Variants in ZNF419 observed in about 807,000 individuals in gnomAD.
ZNF419 encodes the protein zinc finger protein 419.
Under a neutral mutation model 14.9 loss-of-function variants are expected in ZNF419, and 8 were observed. The observed-to-expected ratio is 0.54, with a 90% CI of 0.32 to 0.97. The LOEUF is 0.97. ZNF419 is among the 50% of genes least tolerant of loss of function. ZNF419 has a pLI of 0.04. For missense variants in ZNF419, 595 were observed against 607.2 expected (o/e 0.98, Z 0.21); for synonymous variants, 211 against 205.3 (o/e 1.03, Z -0.24).
intron 4 of ZNF419, 23 bp from the exon 5 acceptor site, chr19:57,492,833 C>T: frequency 6.2e-7 from 1 of 1,613,376 alleles, no homozygotes; most frequent in Non-Finnish European, 8.5e-7. Context: ...ACATTTACTT[C>T]TTCAACATTT....
At position 57,494,423 on chromosome 19, in the gene ZNF419, A is replaced by T; in HGVS notation, c.*333A>T. 3.8e-6 allele frequency: 1 copy of T among 260,272 alleles called. No individual in the cohort carries two copies. The highest frequency in any genetic ancestry group is 7.0e-6 in the Non-Finnish European group (1 of 142,004). The allele number at this position is 260,272 out of a possible 1,614,324, so 16.1% of individuals were successfully genotyped here. A position where few individuals can be genotyped will look rare whatever the true frequency, so the allele number is the denominator to read the frequency against. On this transcript the variant is annotated 3_prime_UTR_variant, in exon 5 of 5. Transcript: ENST00000221735. ...TGGCAATTGAACATCATTCATCTAAATATGCACACTGGAGGCAAGATGAGA... is the reference window on the plus strand; with the variant it reads ...TGGCAATTGAACATCATTCATCTAATTATGCACACTGGAGGCAAGATGAGA...
chr19:57,491,624 A>G (rs767116789), intron 3 of ZNF419, 27 bp downstream of exon 3: 37 of 1,614,006 alleles, frequency 2.3e-5, no homozygotes, highest in Non-Finnish European at 3.0e-5. Context: ...CCACCCCAGC[A>G]TCCTGAGCTG....
At chr19:57,488,925 G>A (rs1397758017) in intron 1 of ZNF419, 1 of 152,534 alleles carries the variant, frequency 6.6e-6, no homozygotes, top group East Asian at 1.9e-4. Flanking sequence ...TCTGTCTGGT[G>A]TCTGCCGGAA....
chr19:57,487,809 C>A lies in ZNF419; in HGVS notation c.-142C>A. The A allele has an allele frequency of 8.2e-7, 1 of 1,222,492 alleles. No individual in the cohort carries two copies. The highest frequency in any genetic ancestry group is 1.2e-6 in the Non-Finnish European group (1 of 841,904). 75.7% of individuals were successfully genotyped at this position (1,222,492 alleles called of 1,614,324 possible). A position where few individuals can be genotyped will look rare whatever the true frequency, so the allele number is the denominator to read the frequency against. On this transcript the variant is annotated 5_prime_UTR_variant, in exon 1 of 5. Coordinates refer to ENST00000221735, the MANE Select transcript of ZNF419 (RefSeq NM_024691.4). ...GCGAGAAGCTGGTTGTGCGCTGAGG[C>A]GACCAGCGCCGGAAGGCACGGTGGC...
rs2089522739 is a variant in ZNF419, at chr19:57,492,844, A to G, written c.299-12A>G. The stretch of plus-strand genomic sequence containing the variant: ...GTCTACATTTACTTCTTCAACATTT[A>G]TCTTCTGTCAGGTTGTTGGCATGGA... On this transcript the variant is annotated splice_polypyrimidine_tract_variant and intron_variant, in intron 4 of 4. Transcript: ENST00000221735. The G allele has an allele frequency of 1.9e-6, 3 of 1,613,438 alleles. No homozygotes were observed. Among genetic ancestry groups the G allele is most frequent in the Non-Finnish European group, 1.7e-6 (2 of 1,179,614 alleles).
intron 2 of ZNF419, 157 bp from the exon 3 acceptor site, chr19:57,491,314 G>A (rs1337063082): frequency 1.1e-5 from 12 of 1,112,300 alleles, no homozygotes; most frequent in Admixed American, 2.3e-5. Flanking sequence ...CTCAGTGGGA[G>A]CATGAGGAGA....
At chr19:57,490,299 G>A (rs2089453300) in intron 2 of ZNF419, 114 bp downstream of exon 2, 1 of 947,084 alleles carries the variant, frequency 1.1e-6, no homozygotes, top group Non-Finnish European at 1.7e-6. Flanking sequence ...TTCCATTTGA[G>A]TTCCCTGGAA....
intron 2 of ZNF419, chr19:57,491,081 A>C: frequency 4.7e-6 from 1 of 212,934 alleles, no homozygotes; most frequent in Non-Finnish European, 9.6e-6. Flanking sequence ...TGTAGAGGGT[A>C]GTGGTTGTGG....
In ZNF419 at chr19:57,494,410, A is replaced by G. The variant is rs1218560421; in HGVS notation, c.*320A>G. ...TTTATGAGGGAGCTGGCAATTGAACATCATTCATCTAAATATGCACACTGG... is the reference window on the plus strand; with the variant it reads ...TTTATGAGGGAGCTGGCAATTGAACGTCATTCATCTAAATATGCACACTGG... On this transcript the variant is annotated 3_prime_UTR_variant, in exon 5 of 5. Coordinates refer to ENST00000221735, the MANE Select transcript of ZNF419 (RefSeq NM_024691.4). 10 of 291,050 alleles carry G rather than the reference A, an allele frequency of 3.4e-5. No homozygotes were observed. The highest frequency in any genetic ancestry group is 5.5e-5 in the Non-Finnish European group (9 of 162,486). The allele number at this position is 291,050 out of a possible 1,614,324, so 18.0% of individuals were successfully genotyped here.
At position 57,492,341 on chromosome 19, in the gene ZNF419, C is replaced by A. The variant is rs549838097; in HGVS notation, c.298+130C>A. 5 of 1,060,252 alleles carry A rather than the reference C, an allele frequency of 4.7e-6. No homozygotes were observed. In the South Asian group the frequency reaches 5.0e-5, roughly 11 times the overall value. 65.7% of individuals were successfully genotyped at this position (1,060,252 alleles called of 1,614,324 possible). ...TTCTATCTTTTCTTCCTTAGTCACC[C>A]ATTTATATCTATTCTGATGTTTGAC... On this transcript the variant is annotated intron_variant, in intron 4 of 4. Coordinates refer to ENST00000221735, the MANE Select transcript of ZNF419 (RefSeq NM_024691.4).
chr19:57,493,555 A>G lies in ZNF419; in HGVS notation c.998A>G (p.His333Arg), dbSNP rs756166256. ...LFSFNSSLMK[H>R]QRIHTGERPY... is the part of the protein sequence containing the mutation. Reference sequence around the variant, plus strand: ...AGTTTCAACTCCAGCCTCATGAAACATCAGAGAATTCACACTGGAGAAAGA... The same window carrying G: ...AGTTTCAACTCCAGCCTCATGAAACGTCAGAGAATTCACACTGGAGAAAGA... The change falls in exon 5 of 5, where the codon CAT becomes CGT. Residue 333 changes from histidine (H) to arginine (R), a missense_variant. By Grantham distance (29) the His-to-Arg change is conservative. Transcript: ENST00000221735. The G allele has an allele frequency of 1.2e-6, 2 of 1,608,274 alleles. No homozygotes were observed. The highest frequency in any genetic ancestry group is 8.5e-7 in the Non-Finnish European group (1 of 1,175,164).
intron 4 of ZNF419, chr19:57,492,637 C>A (rs2089515863): frequency 2.6e-6 from 2 of 771,696 alleles, no homozygotes; most frequent in Non-Finnish European, 4.7e-6. Flanking sequence ...GTGCTATACC[C>A]CATCCTTGCA....
intron 2 of ZNF419, 61 bp downstream of exon 2, chr19:57,490,246 A>T (rs1295453955): frequency 1.3e-6 from 2 of 1,538,562 alleles, no homozygotes; most frequent in Non-Finnish European, 1.8e-6. Flanking sequence ...GGTCTTCAGA[A>T]TTATGGTGTC....
rs2089604542 is a variant in ZNF419 at position 57,495,907 on chromosome 19, C to CT, written c.*1818dup. On this transcript the variant is annotated 3_prime_UTR_variant, in exon 5 of 5. Coordinates refer to ENST00000221735, the MANE Select transcript of ZNF419 (RefSeq NM_024691.4). ...CATATTCCCTATCTTTACTGAGAGC[C>CT]TAGCAAGCCATGGCATTCCAGTAGT... The CT allele has an allele frequency of 6.6e-6, 1 of 151,894 alleles. No individual in the cohort carries two copies. The highest frequency in any genetic ancestry group is 2.4e-5 in the African/African-American group (1 of 41,336). The allele number at this position is 151,894 out of a possible 1,614,324, so 9.4% of individuals were successfully genotyped here.
rs200570549 is a variant in ZNF419 at position 57,490,192 on chromosome 19, G to A, written c.72+7G>A. On this transcript the variant is annotated splice_region_variant and intron_variant, in intron 2 of 4. Coordinates refer to ENST00000221735, the MANE Select transcript of ZNF419 (RefSeq NM_024691.4). ...GCTTACAGACCATGAGGAGGTAAGT[G>A]GAGGATGTCTCAGGTCCTCACACTC... is the stretch of plus-strand genomic sequence containing the variant. 3 of 1,613,162 alleles carry A rather than the reference G, an allele frequency of 1.9e-6. No individual in the cohort carries two copies. The East Asian group carries it at 6.7e-5, about 36-fold the overall frequency.
Position 57,492,889 on chromosome 19 carries a change from C to T in ZNF419, c.332C>T (p.Pro111Leu). 6.2e-7 allele frequency: 1 copy of T among 1,614,062 alleles called. No individual in the cohort carries two copies. The highest frequency in any genetic ancestry group is 2.2e-5 in the East Asian group (1 of 44,888). Reference sequence around the variant, plus strand: ...CATGGAGCCGAGGCTGAGGAGGCTCCTGAGCAGATTGCTTCTGTAGGACTG... The same window carrying T: ...CATGGAGCCGAGGCTGAGGAGGCTCTTGAGCAGATTGCTTCTGTAGGACTG... ...CWHGAEAEEA[P>L]EQIASVGLLS... The change falls in exon 5 of 5, where the codon CCT becomes CTT. Residue 111 changes from proline to leucine, a missense_variant. Pro to Leu is a moderately conservative substitution (Grantham distance 98). Coordinates refer to ENST00000221735, the MANE Select transcript of ZNF419 (RefSeq NM_024691.4).
intron 1 of ZNF419, 166 bp from the exon 2 acceptor site, chr19:57,489,981 A>G (rs1191207686): frequency 1.1e-5 from 7 of 619,336 alleles, no homozygotes; most frequent in Non-Finnish European, 2.0e-5. Context: ...AGGCACAGGG[A>G]AGTTGAGCAC....
chr19:57,492,383 C>G, intron 4 of ZNF419, 172 bp downstream of exon 4: 1 of 825,976 alleles, frequency 1.2e-6, no homozygotes, highest in East Asian at 2.4e-5. Context: ...CCATTCCCCA[C>G]CTCTCTGTCC....
Position 57,488,003 on chromosome 19 carries a change from G to T in ZNF419, c.33+20G>T, listed in dbSNP as rs757127375. The T allele has an allele frequency of 1.2e-6, 2 of 1,613,432 alleles. No homozygotes were observed. Among genetic ancestry groups the T allele is most frequent in the Admixed American group, 3.3e-5 (2 of 60,008 alleles). On this transcript the variant is annotated intron_variant, in intron 1 of 4. Transcript: ENST00000221735. ...GCTCAGGTGAGCGCCGCGTCCTCCT[G>T]GCCTCCCCCGAATCCTAAAGCCCTG...
Sources: gnomAD v4.1 joint callset for allele counts on GRCh38, gnomAD v4.1.1 for gene constraint, MANE v1.5 for transcripts, NCBI Gene and HGNC (gene_info 2026-07-23, HGNC 2026-07-21) for gene names.